The following USP2 variants were observed in gnomAD, a reference collection of about 807,000 sequenced individuals.
The protein encoded by USP2 is ubiquitin specific peptidase 2.
A neutral mutation model predicts 72.0 loss-of-function variants in USP2; 33 were observed. That is an observed-to-expected ratio of 0.46 (90% confidence interval 0.35 to 0.61). USP2 has a LOEUF of 0.61. Ranked by LOEUF, USP2 falls within the 20% of genes least tolerant of loss-of-function variation. The pLI is 0.01. For missense variants in USP2, 691 were observed against 797.8 expected (o/e 0.87, Z 1.61); for synonymous variants, 296 against 312.5 (o/e 0.95, Z 0.56).
At chr11:119,357,125 G>A (rs1219896487) in intron 12 of USP2, 62 bp downstream of exon 12, 3 of 1,558,070 alleles carry the variant, frequency 1.9e-6, no homozygotes, top group East Asian at 4.5e-5. Flanking sequence ...GGGGGAGGGT[G>A]GAGGAGTGGG....
In USP2 at chr11:119,373,085, CT is replaced by C. The variant is rs1325352029; in HGVS notation, c.395del (p.Gln132ArgfsTer3). 2.5e-6 allele frequency: 4 copies of C among 1,614,104 alleles called. No individual in the cohort carries two copies. Among genetic ancestry groups the C allele is most frequent in the Non-Finnish European group, 3.4e-6 (4 of 1,180,026 alleles). On this transcript the variant is annotated frameshift_variant, in exon 2 of 13. Transcript: ENST00000260187. LOFTEE classifies it high-confidence loss of function. The stretch of plus-strand genomic sequence containing the variant: ...CCAGCTTCTGGGTTAGGGTCACCCC[CT>C]GGTCATAGGCATTGATGGGCAGGTA... Reference protein sequence around the residue: ...LSYLPINAYDQGVTLTQKLDS... With the variant: ...LSYLPINAYDXGVTLTQKLDS...
In USP2 at chr11:119,372,884, C is replaced by T; in HGVS notation, c.597G>A (p.Leu199=). The T allele has an allele frequency of 2.5e-6, 4 of 1,609,488 alleles. No homozygotes were observed. Among genetic ancestry groups the T allele is most frequent in the Non-Finnish European group, 3.4e-6 (4 of 1,178,224 alleles). Residue 199 remains leucine (L), a synonymous_variant, in exon 2 of 13, where the codon CTG becomes CTA. Transcript: ENST00000260187. ...CACTGCCCTTGCGACCATAGTTCTC[C>T]AGGTAGTCGACCAGGTATTCAGGGC... is the stretch of plus-strand genomic sequence containing the variant. ...ASCPEYLVDY[L]ENYGRKGSAS... is the part of the protein sequence containing the mutation.
rs562618939 is a variant in USP2, at chr11:119,371,098, G to T, written c.774+1609C>A. On this transcript the variant is annotated intron_variant, in intron 2 of 12. Transcript: ENST00000260187. ...AGCTTGTGGAAAGAGCAGCTTCCCA[G>T]GCCCCATCCCGAGAGAGTTTGCTTC... is the stretch of plus-strand genomic sequence containing the variant. Among the ~76,000 whole-genome samples, 5 of 152,244 alleles carry T rather than the reference G, an allele frequency of 3.3e-5. No individual in the cohort carries two copies. In the South Asian group the frequency reaches 8.3e-4, roughly 25 times the overall value.
At chr11:119,365,850 T>A (rs1950844101) in intron 2 of USP2, among the ~76,000 whole-genome samples, 1 of 152,174 alleles carries the variant, frequency 6.6e-6, no homozygotes, top group South Asian at 2.1e-4. Flanking sequence ...CCAGTTAATT[T>A]CTATAACATC....
Position 119,367,604 on chromosome 11 carries a change from C to T in USP2, c.774+5103G>A, listed in dbSNP as rs78312300. Among the ~76,000 whole-genome samples, 972 of 152,272 alleles carry T rather than the reference C, an allele frequency of 6.4e-3. 11 individuals are homozygous for T. Among genetic ancestry groups the T allele is most frequent in the African/African-American group, 0.022 (925 of 41,548 alleles). On this transcript the variant is annotated intron_variant, in intron 2 of 12. Coordinates refer to ENST00000260187, the MANE Select transcript of USP2 (RefSeq NM_004205.5). ...CTTGGGGAGAGAGGGTCAGCCCATC[C>T]TCCCCACTCTCTGTAGGAAGGTCTG... is the stretch of plus-strand genomic sequence containing the variant.
intron 2 of USP2, chr11:119,363,743 G>T (rs1950804520): frequency 1.2e-6 from 1 of 848,994 alleles, no homozygotes; most frequent in African/African-American, 1.8e-5. Context: ...GGTGGGGGCT[G>T]GGAAGAATCC....
intron 2 of USP2, among the ~76,000 whole-genome samples, chr11:119,362,857 C>A (rs1027118940): frequency 1.3e-5 from 2 of 152,242 alleles, no homozygotes; most frequent in Admixed American, 6.5e-5. Flanking sequence ...CATCAGCAAA[C>A]CTAGTTTTGA....
Position 119,357,580 on chromosome 11 carries a change from C to T in USP2, c.1512G>A (p.Arg504=). The T allele has an allele frequency of 2.5e-6, 4 of 1,614,180 alleles. No individual in the cohort carries two copies. Among genetic ancestry groups the T allele is most frequent in the Non-Finnish European group, 3.4e-6 (4 of 1,180,040 alleles). Residue 504 remains arginine (R), a synonymous_variant, in exon 11 of 13, where the codon CGG becomes CGA. Coordinates refer to ENST00000260187, the MANE Select transcript of USP2 (RefSeq NM_004205.5). Reference sequence around the variant, plus strand: ...TGGTTCGGATCCTGGATTCTGAGAACCGCTTCAGATCTGGCATTGACGTGA... The same window carrying T: ...TGGTTCGGATCCTGGATTCTGAGAATCGCTTCAGATCTGGCATTGACGTGA... ...FPKILVLHLK[R]FSESRIRTSK... is the part of the protein sequence containing the mutation.
chr11:119,364,523 G>A (rs956608605), intron 2 of USP2, among the ~76,000 whole-genome samples: 1 of 152,242 alleles, frequency 6.6e-6, no homozygotes, highest in Admixed American at 6.5e-5. Flanking sequence ...AGACCCAGTG[G>A]CAACCGGGTG....
At chr11:119,358,976 C>G (rs768101363) in intron 6 of USP2, 48 bp downstream of exon 6, 23 of 1,600,930 alleles carry the variant, frequency 1.4e-5, no homozygotes, top group Non-Finnish European at 2.0e-5. Flanking sequence ...GTAAAAATCT[C>G]GAGTTCACAA....
At chr11:119,363,732 G>C (rs1000188796) in intron 2 of USP2, 31 of 709,644 alleles carry the variant, frequency 4.4e-5, no homozygotes, top group African/African-American at 9.4e-5. Flanking sequence ...GGGAAAGGAG[G>C]GGTGGGGGCT....
chr11:119,380,417 A>T (rs953263710), intron 1 of USP2, among the ~76,000 whole-genome samples: 1 of 152,026 alleles, frequency 6.6e-6, no homozygotes, highest in Non-Finnish European at 1.5e-5. Context: ...GGCCACCAGG[A>T]GAATGCTTGG....
At chr11:119,361,989 G>C (rs113505988) in intron 2 of USP2, among the ~76,000 whole-genome samples, 1 of 152,286 alleles carries the variant, frequency 6.6e-6, no homozygotes, top group Admixed American at 6.5e-5. Context: ...TCCATGTTGC[G>C]CACTCGGAAC....
chr11:119,374,750 T>C (rs557105228), intron 1 of USP2, among the ~76,000 whole-genome samples: 22 of 152,222 alleles, frequency 1.4e-4, no homozygotes, highest in African/African-American at 3.9e-4. Flanking sequence ...TCAGGGGCTC[T>C]TGGGGGGCTT....
intron 1 of USP2, among the ~76,000 whole-genome samples, chr11:119,378,296 G>T (rs1397244175): frequency 6.6e-6 from 1 of 151,006 alleles, no homozygotes; most frequent in Non-Finnish European, 1.5e-5. Context: ...AATCCTGGCA[G>T]GTGTAGAGGA....
rs1407657137 is a variant in USP2, at chr11:119,360,200, C to T, written c.809G>A (p.Arg270Gln). 16 of 1,613,816 alleles carry T rather than the reference C, an allele frequency of 9.9e-6. No homozygotes were observed. Among genetic ancestry groups the T allele is most frequent in the Admixed American group, 3.3e-5 (2 of 59,966 alleles). ...AAAACTCACCGTGTTCCCAAGGTTT[C>T]GAAGACCAGCCAGACCCTGGGCACT... ...SKSAQGLAGL[R>Q]NLGNTCFMNS... The change falls in exon 3 of 13, where the codon CGA (arginine) becomes CAA (glutamine). Residue 270 changes from arginine (R) to glutamine (Q), a missense_variant. Transcript: ENST00000260187.
chr11:119,381,029 T>A (rs1000989560), intron 1 of USP2, among the ~76,000 whole-genome samples: 1 of 152,158 alleles, frequency 6.6e-6, no homozygotes, highest in African/African-American at 2.4e-5. Flanking sequence ...GCTGCCTCTT[T>A]CTGGTTTGGG....
In USP2 at chr11:119,357,244, T is replaced by C. The variant is rs779255127; in HGVS notation, c.1673A>G (p.Tyr558Cys). Residue 558 changes from tyrosine to cysteine, a missense_variant, in exon 12 of 13, where the codon TAT becomes TGT. Tyr to Cys is a radical substitution (Grantham distance 194). Coordinates refer to ENST00000260187, the MANE Select transcript of USP2 (RefSeq NM_004205.5). Reference protein sequence around the residue: ...NHSGTTMGGHYTAYCRSPGTG... With the variant: ...NHSGTTMGGHCTAYCRSPGTG... Reference sequence around the variant, plus strand: ...CCCTGGACTGCGACAGTAGGCTGTATAGTGGCCACCCATGGTGGTTCCGGA... The same window carrying C: ...CCCTGGACTGCGACAGTAGGCTGTACAGTGGCCACCCATGGTGGTTCCGGA... 43 of 1,613,536 alleles carry C rather than the reference T, an allele frequency of 2.7e-5. No individual in the cohort carries two copies. The highest frequency in any genetic ancestry group is 1.7e-4 in the Middle Eastern group (1 of 6,060).
chr11:119,361,294 G>A (rs1157501253), intron 2 of USP2, among the ~76,000 whole-genome samples: 1 of 152,234 alleles, frequency 6.6e-6, no homozygotes, highest in African/African-American at 2.4e-5. Flanking sequence ...GGGGGTTGGA[G>A]AGAGAACAGG....
Sources: allele counts gnomAD v4.1 joint callset (sites outside exome capture counted in the v4.1 genomes callset), GRCh38; gene constraint gnomAD v4.1.1; transcripts MANE v1.5; gene names NCBI Gene and HGNC (gene_info 2026-07-23, HGNC 2026-07-21).